SLC12A1: variants seen among roughly 807,000 people sequenced by gnomAD.
SLC12A1 encodes solute carrier family 12 member 1, also known as Na-K-2Cl cotransporter.
Under a neutral mutation model 130.4 loss-of-function variants are expected in SLC12A1, and 89 were observed. The ratio of observed to expected loss-of-function variants is 0.68; its 90% CI spans 0.58 to 0.81. The LOEUF (loss-of-function observed/expected upper bound fraction) is 0.81. Among genes scored for constraint, SLC12A1 ranks in the 40% least tolerant of loss-of-function variants. SLC12A1 has a pLI of 0.00. For synonymous variants in SLC12A1, 499 were observed against 460.0 expected, an observed-to-expected ratio of 1.08 and a Z score of -1.09; for missense variants, 1,310 against 1,336.4, an observed-to-expected ratio of 0.98 and a Z score of 0.31.
At chr15:48,241,491 T>C (rs749135744) in intron 9 of SLC12A1, 24 bp from the exon 10 acceptor site, 2 of 1,541,808 alleles carry the variant, frequency 1.3e-6, no homozygotes, top group Non-Finnish European at 1.8e-6. Context: ...TGTATTCTTC[T>C]ACCTCCACAT....
chr15:48,241,669 T>C, intron 10 of SLC12A1, 70 bp downstream of exon 10: 1 of 1,038,550 alleles, frequency 9.6e-7, no homozygotes, highest in East Asian at 2.4e-5. Flanking sequence ...TCTAGTGAGC[T>C]TTCAATGCAG....
intron 2 of SLC12A1, among the ~76,000 whole-genome samples, chr15:48,213,690 T>G (rs2041083719): frequency 6.6e-6 from 1 of 151,792 alleles, no homozygotes; most frequent in South Asian, 2.1e-4. Context: ...GTTTTGTTTT[T>G]TGTTTTGTAT....
chr15:48,240,047 A>ATATC (rs1382040492), intron 9 of SLC12A1, among the ~76,000 whole-genome samples: 1 of 11,572 alleles, frequency 8.6e-5, no homozygotes, highest in African/African-American at 1.1e-4. Context: ...ATATATATAT[A>ATATC]TCCATATATA....
chr15:48,210,611 T>C (rs1410226262), intron 2 of SLC12A1, among the ~76,000 whole-genome samples: 2 of 151,456 alleles, frequency 1.3e-5, no homozygotes, highest in East Asian at 1.9e-4. Context: ...TCCTAGCACT[T>C]TGGGAGGCTG....
At chr15:48,240,030 CATATATATATATATATATCCATAT>C (rs2041487856) in intron 9 of SLC12A1, among the ~76,000 whole-genome samples, 2 of 13,132 alleles carry the variant, frequency 1.5e-4, no homozygotes, top group Non-Finnish European at 8.1e-4. Flanking sequence ...TATATATATC[CATATATATATATATATATCCATAT>C]ATATATATAT....
At chr15:48,293,658 G>T (rs2042143594) in intron 24 of SLC12A1, among the ~76,000 whole-genome samples, 2 of 152,132 alleles carry the variant, frequency 1.3e-5, no homozygotes, top group Admixed American at 6.5e-5. Flanking sequence ...AATTTAAGAT[G>T]CATTCCTACT....
chr15:48,259,445 G>GCTCT, intron 17 of SLC12A1, 134 bp downstream of exon 17: 1 of 687,596 alleles, frequency 1.5e-6, no homozygotes, highest in Non-Finnish European at 2.6e-6. Flanking sequence ...CCTCTACCTT[G>GCTCT]ATTCATAGAG....
intron 9 of SLC12A1, among the ~76,000 whole-genome samples, chr15:48,235,879 T>C (rs1421705655): frequency 3.3e-5 from 5 of 151,978 alleles, no homozygotes; most frequent in African/African-American, 9.7e-5. Flanking sequence ...GGGATAAGCA[T>C]GTAGAGGGCA....
At position 48,288,513 on chromosome 15, in the gene SLC12A1, T is replaced by C. The variant is rs1196278590; in HGVS notation, c.2870T>C (p.Ile957Thr). Residue 957 changes from isoleucine to threonine, a missense_variant, in exon 23 of 27, where the codon ATT becomes ACT. Coordinates refer to ENST00000380993, the MANE Select transcript of SLC12A1 (RefSeq NM_000338.3). ...ATCAACCGCATTGAAGAAGAAAAAA[T>C]TGTGTAAGTAGTTTGCCACTCACAT... ...GKINRIEEEK[I>T]VMASLLSKFR... The C allele has an allele frequency of 4.8e-6, 7 of 1,450,074 alleles. No homozygotes were observed. Among genetic ancestry groups the C allele is most frequent in the Non-Finnish European group, 5.7e-6 (6 of 1,054,648 alleles). The allele number at this position is 1,450,074 out of a possible 1,614,324, so 89.8% of individuals were successfully genotyped here.
chr15:48,216,516 C>T (rs1194389043), intron 2 of SLC12A1, among the ~76,000 whole-genome samples: 1 of 152,106 alleles, frequency 6.6e-6, no homozygotes, highest in Non-Finnish European at 1.5e-5. Context: ...GGTTTTATTC[C>T]CAAGACCATC....
At chr15:48,223,006 C>T (rs1294607625) in intron 4 of SLC12A1, 2 of 152,186 alleles carry the variant, frequency 1.3e-5, no homozygotes, top group African/African-American at 4.8e-5. Context: ...CTTGCTGGGG[C>T]AAGATGGTTT....
chr15:48,258,697 G>GAC (rs2041737327), intron 16 of SLC12A1, among the ~76,000 whole-genome samples: 6 of 152,194 alleles, frequency 3.9e-5, no homozygotes, highest in Non-Finnish European at 8.8e-5. Context: ...CACTCTACCA[G>GAC]TACGAATTTT....
chr15:48,295,278 GT>G, intron 24 of SLC12A1, among the ~76,000 whole-genome samples: 1 of 152,192 alleles, frequency 6.6e-6, no homozygotes, highest in East Asian at 1.9e-4. Flanking sequence ...CATTATCAAT[GT>G]TTGCTGATTA....
At chr15:48,288,258 T>C (rs950468904) in intron 22 of SLC12A1, 84 bp downstream of exon 22, 25 of 1,335,230 alleles carry the variant, frequency 1.9e-5, no homozygotes, top group Middle Eastern at 3.8e-4. Context: ...ATGGGAACAA[T>C]ACTGGTTAAA....
chr15:48,244,961 C>G, intron 11 of SLC12A1, 57 bp downstream of exon 11: 3 of 1,504,076 alleles, frequency 2.0e-6, no homozygotes, highest in East Asian at 2.3e-5. Context: ...TTGAATGTCA[C>G]ATAGAGTAAG....
intron 17 of SLC12A1, among the ~76,000 whole-genome samples, chr15:48,267,277 C>T (rs1010641000): frequency 3.3e-5 from 5 of 152,100 alleles, no homozygotes; most frequent in African/African-American, 1.2e-4. Context: ...CAGTATTTTC[C>T]TTGTGTCATG....
At chr15:48,242,511 G>GTA (rs779863136) in intron 10 of SLC12A1, among the ~76,000 whole-genome samples, 1 of 152,200 alleles carries the variant, frequency 6.6e-6, no homozygotes, top group African/African-American at 2.4e-5. Flanking sequence ...TTTGTTAAGA[G>GTA]TATTGTTGCG....
chr15:48,244,695 A>G, intron 10 of SLC12A1, 58 bp from the exon 11 acceptor site: 2 of 1,575,336 alleles, frequency 1.3e-6, no homozygotes, highest in Non-Finnish European at 1.7e-6. Context: ...TTTTCAGTAG[A>G]AAACCGTAAG....
In SLC12A1 at chr15:48,303,636, A is replaced by C. The variant is rs35866413; in HGVS notation, c.*751A>C. 6.6e-6 allele frequency: 1 copy of C among 152,238 alleles called. No individual in the cohort carries two copies. The highest frequency in any genetic ancestry group is 1.5e-5 in the Non-Finnish European group (1 of 68,042). 9.4% of individuals were successfully genotyped at this position (152,238 alleles called of 1,614,324 possible). A position where few individuals can be genotyped will look rare whatever the true frequency, so the allele number is the denominator to read the frequency against. ...GAAATATATTCTATTCTCAATATATAAACTTTAATTGTACTCCCTATCAAA... is the reference window on the plus strand; with the variant it reads ...GAAATATATTCTATTCTCAATATATCAACTTTAATTGTACTCCCTATCAAA... On this transcript the variant is annotated 3_prime_UTR_variant, in exon 27 of 27. Coordinates refer to ENST00000380993, the MANE Select transcript of SLC12A1 (RefSeq NM_000338.3).
Sources: gnomAD v4.1 joint callset for allele counts (sites outside exome capture counted in the v4.1 genomes callset) on GRCh38, gnomAD v4.1.1 for gene constraint, MANE v1.5 for transcripts, NCBI Gene and HGNC (gene_info 2026-07-23, HGNC 2026-07-21) for gene names.